The following AP4M1 variants were observed in gnomAD, a reference collection of about 807,000 sequenced individuals.
The protein encoded by AP4M1 is AP-4 complex subunit mu-1.
Under a neutral mutation model 62.4 loss-of-function variants are expected in AP4M1, and 58 were observed. That is an observed-to-expected ratio of 0.93 (90% CI 0.75 to 1.16). The LOEUF (loss-of-function observed/expected upper bound fraction) is 1.16. AP4M1 is among the 50% of genes most tolerant of loss of function. The pLI, the probability that AP4M1 is intolerant of heterozygous loss-of-function variation, is 0.00. For missense variants in AP4M1, 626 were observed against 585.4 expected (o/e 1.07, Z -0.72); for synonymous variants, 290 against 239.7 (o/e 1.21, Z -1.94).
Position 100,108,568 on chromosome 7 carries a change from A to T in AP4M1, c.*1686A>T, listed in dbSNP as rs368267898. 24 of 1,571,962 alleles carry T rather than the reference A, an allele frequency of 1.5e-5. No individual in the cohort carries two copies. Among genetic ancestry groups the T allele is most frequent in the Non-Finnish European group, 2.0e-5 (23 of 1,154,448 alleles). ...GCAGAACAGAAAAAAAGCCAGGTAG[A>T]GGGAGGGCTGGGGAAAAAAGCCAGG... On this transcript the variant is annotated 3_prime_UTR_variant, in exon 15 of 15. Coordinates refer to ENST00000359593, the MANE Select transcript of AP4M1 (RefSeq NM_004722.4).
rs1796720731 is a variant in AP4M1, at chr7:100,107,949, A to AGGAC, written c.*1069_*1072dup. 1 of 1,612,672 alleles carries AGGAC rather than the reference A, an allele frequency of 6.2e-7. No homozygotes were observed. The highest frequency in any genetic ancestry group is 1.7e-5 in the Admixed American group (1 of 59,918). ...ACCTGCTGGGTGGATGGGGCGCTGG[A>AGGAC]GGACGATGACATTACAATAAACTTG... On this transcript the variant is annotated 3_prime_UTR_variant, in exon 15 of 15. Transcript: ENST00000359593.
At position 100,107,536 on chromosome 7, in the gene AP4M1, C is replaced by A. The variant is rs758662299; in HGVS notation, c.*654C>A. ...GTGGTGGCGGTGGAGACCAACTTGA[C>A]GATGGGCTGCACGCTGGGGACGGTG... On this transcript the variant is annotated 3_prime_UTR_variant, in exon 15 of 15. Transcript: ENST00000359593. 5 of 1,613,938 alleles carry A rather than the reference C, an allele frequency of 3.1e-6. No individual in the cohort carries two copies. The highest frequency in any genetic ancestry group is 4.2e-6 in the Non-Finnish European group (5 of 1,179,966).
At position 100,106,399 on chromosome 7, in the gene AP4M1, C is replaced by G; in HGVS notation, c.1026-4C>G. On this transcript the variant is annotated splice_polypyrimidine_tract_variant and splice_region_variant and intron_variant, in intron 13 of 14. Coordinates refer to ENST00000359593, the MANE Select transcript of AP4M1 (RefSeq NM_004722.4). ...GCCCAGCACCTTCCCTTTCCAAACT[C>G]CAGCCTGTCTCAGGAGCTGAGCAGC... is the stretch of plus-strand genomic sequence containing the variant. 6.2e-7 allele frequency: 1 copy of G among 1,613,666 alleles called. No individual in the cohort carries two copies. Among genetic ancestry groups the G allele is most frequent in the Non-Finnish European group, 8.5e-7 (1 of 1,180,008 alleles).
chr7:100,104,245 C>T (rs1373390275), intron 7 of AP4M1, 91 bp downstream of exon 7: 2 of 1,104,460 alleles, frequency 1.8e-6, no homozygotes, highest in South Asian at 1.3e-5. Flanking sequence ...CGGCCGGGCA[C>T]AGTGGCTCAT....
intron 2 of AP4M1, 142 bp downstream of exon 2, chr7:100,102,110 G>A (rs1238341977): frequency 7.5e-6 from 7 of 937,526 alleles, no homozygotes; most frequent in Non-Finnish European, 1.2e-5. Flanking sequence ...GCCCGGCGCG[G>A]TGGCTCACGC....
Position 100,102,974 on chromosome 7 carries a change from A to G in AP4M1, c.351+14A>G, listed in dbSNP as rs944572355. 3.7e-6 allele frequency: 6 copies of G among 1,609,996 alleles called. No individual in the cohort carries two copies. The highest frequency in any genetic ancestry group is 1.1e-5 in the South Asian group (1 of 90,950). ...GATGAAGTGCTGGTGAGAATCAACA[A>G]TCCCCTTCTGTGGCCCCTACCCAAT... On this transcript the variant is annotated intron_variant, in intron 4 of 14. Coordinates refer to ENST00000359593, the MANE Select transcript of AP4M1 (RefSeq NM_004722.4).
chr7:100,104,239 C>T (rs989731596), intron 7 of AP4M1, 85 bp downstream of exon 7: 13 of 1,149,174 alleles, frequency 1.1e-5, no homozygotes, highest in African/African-American at 1.5e-5. Context: ...CAGCAACGGC[C>T]GGGCACAGTG....
chr7:100,101,558 G>T, upstream of AP4M1: 1 of 845,236 alleles, frequency 1.2e-6, no homozygotes, highest in East Asian at 2.6e-5. Context: ...TCTCCGGGCG[G>T]GGTAGTGCAG....
chr7:100,104,253 C>T lies in AP4M1; in HGVS notation c.606+99C>T, dbSNP rs546992963. Reference sequence around the variant, plus strand: ...CCAGCAACGGCCGGGCACAGTGGCTCATGCTTGTAATCCCAGTGCTTTGGG... The same window carrying T: ...CCAGCAACGGCCGGGCACAGTGGCTTATGCTTGTAATCCCAGTGCTTTGGG... On this transcript the variant is annotated intron_variant, in intron 7 of 14. Coordinates refer to ENST00000359593, the MANE Select transcript of AP4M1 (RefSeq NM_004722.4). 108 of 1,040,650 alleles carry T rather than the reference C, an allele frequency of 1.0e-4. No individual in the cohort carries two copies. The South Asian group carries it at 1.3e-3, about 12-fold the overall frequency. The allele number at this position is 1,040,650 out of a possible 1,614,324, so 64.5% of individuals were successfully genotyped here.
In AP4M1 at chr7:100,105,452, T is replaced by G. The variant is rs1796385962; in HGVS notation, c.842T>G (p.Val281Gly). 6.2e-7 allele frequency: 1 copy of G among 1,614,068 alleles called. No homozygotes were observed. The highest frequency in any genetic ancestry group is 8.5e-7 in the Non-Finnish European group (1 of 1,179,984). Residue 281 changes from valine to glycine, a missense_variant, in exon 11 of 15, where the codon GTG becomes GGG. Val to Gly is a moderately radical substitution (Grantham distance 109). Coordinates refer to ENST00000359593, the MANE Select transcript of AP4M1 (RefSeq NM_004722.4). ...RLQPPQGELT[V>G]MRYQLSDDLP... Reference sequence around the variant, plus strand: ...TGCTCTCTGGTCTCTCAGCTGACTGTGATGCGGTACCAACTCTCCGATGAC... The same window carrying G: ...TGCTCTCTGGTCTCTCAGCTGACTGGGATGCGGTACCAACTCTCCGATGAC...
upstream of AP4M1, chr7:100,101,363 T>C (rs1301050437): frequency 6.2e-7 from 1 of 1,602,088 alleles, no homozygotes; most frequent in South Asian, 1.1e-5. Flanking sequence ...GCTGAGAATC[T>C]CCGCGCGGTG....
chr7:100,106,218 C>G lies in AP4M1; in HGVS notation c.975-23C>G, dbSNP rs766919739. 4.8e-5 allele frequency: 77 copies of G among 1,613,906 alleles called. No homozygotes were observed. The East Asian group carries it at 1.0e-3, about 21-fold the overall frequency. The stretch of plus-strand genomic sequence containing the variant: ...AGGGACTGTGCCTTCCTGGGGCTGA[C>G]TTTGTTCCCGTCTCCTCTGTAGCCA... On this transcript the variant is annotated intron_variant, in intron 12 of 14. Coordinates refer to ENST00000359593, the MANE Select transcript of AP4M1 (RefSeq NM_004722.4).
Position 100,103,989 on chromosome 7 carries a change from C to T in AP4M1, c.544-103C>T, listed in dbSNP as rs995455760. On this transcript the variant is annotated intron_variant, in intron 6 of 14. Transcript: ENST00000359593. ...TCCCTTCCATCACCCATGTCCTCACCCTAGAGCTGTAGCTTTGACTGTCCT... is the reference window on the plus strand; with the variant it reads ...TCCCTTCCATCACCCATGTCCTCACTCTAGAGCTGTAGCTTTGACTGTCCT... 1.5e-5 allele frequency: 16 copies of T among 1,047,850 alleles called. No individual in the cohort carries two copies. In the African/African-American group the frequency reaches 1.9e-4, roughly 12 times the overall value. 64.9% of individuals were successfully genotyped at this position (1,047,850 alleles called of 1,614,324 possible).
Position 100,107,997 on chromosome 7 carries a change from G to T in AP4M1, c.*1115G>T. The stretch of plus-strand genomic sequence containing the variant: ...TTGGTTGGAGGAGGGGAAGGCTGTG[G>T]TGGGGCAGCCGCTCGTGCAGACACC... On this transcript the variant is annotated 3_prime_UTR_variant, in exon 15 of 15. Transcript: ENST00000359593. 1 of 1,614,042 alleles carries T rather than the reference G, an allele frequency of 6.2e-7. No individual in the cohort carries two copies.
In AP4M1 at chr7:100,108,247, C is replaced by T; in HGVS notation, c.*1365C>T. 6.8e-7 allele frequency: 1 copy of T among 1,464,450 alleles called. No homozygotes were observed. 90.7% of individuals were successfully genotyped at this position (1,464,450 alleles called of 1,614,324 possible). Reference sequence around the variant, plus strand: ...TCACTAGGGCTGGGGCATCCTCACTCAGGGCCTGGTTGCCCTGAGACTACT... The same window carrying T: ...TCACTAGGGCTGGGGCATCCTCACTTAGGGCCTGGTTGCCCTGAGACTACT... On this transcript the variant is annotated 3_prime_UTR_variant, in exon 15 of 15. Transcript: ENST00000359593.
In AP4M1 at chr7:100,107,597, G is replaced by A. The variant is rs372473866; in HGVS notation, c.*715G>A. 4.7e-5 allele frequency: 76 copies of A among 1,613,236 alleles called. No homozygotes were observed. In the African/African-American group the frequency reaches 5.3e-4, roughly 11 times the overall value. On this transcript the variant is annotated 3_prime_UTR_variant, in exon 15 of 15. Coordinates refer to ENST00000359593, the MANE Select transcript of AP4M1 (RefSeq NM_004722.4). Reference sequence around the variant, plus strand: ...GCGAAGTGGTGGTGGAACCTGAGCCGGGGGCCGAGGTGCTGAGGGACAGGA... The same window carrying A: ...GCGAAGTGGTGGTGGAACCTGAGCCAGGGGCCGAGGTGCTGAGGGACAGGA...
rs1237456625 is a variant in AP4M1 at position 100,107,636 on chromosome 7, G to A, written c.*754G>A. On this transcript the variant is annotated 3_prime_UTR_variant, in exon 15 of 15. Transcript: ENST00000359593. ...TGAGGGACAGGACCTGGATAGAAAGGAAAGGCAGGCCGCTTGCCCTGTGCC... is the reference window on the plus strand; with the variant it reads ...TGAGGGACAGGACCTGGATAGAAAGAAAAGGCAGGCCGCTTGCCCTGTGCC... 2 of 1,609,158 alleles carry A rather than the reference G, an allele frequency of 1.2e-6. No homozygotes were observed. The highest frequency in any genetic ancestry group is 1.7e-5 in the Admixed American group (1 of 58,872).
chr7:100,103,664 G>T lies in AP4M1; in HGVS notation c.515G>T (p.Arg172Leu), dbSNP rs746585330. The T allele has an allele frequency of 3.1e-6, 5 of 1,613,078 alleles. No homozygotes were observed. The highest frequency in any genetic ancestry group is 4.2e-6 in the Non-Finnish European group (5 of 1,180,002). ...SKVAPSSAAS[R>L]PVLSSRSDQS... Reference sequence around the variant, plus strand: ...GTGGCCCCCAGCAGTGCAGCCAGCCGCCCCGTCCTGTCCAGTCGCTCTGAC... The same window carrying T: ...GTGGCCCCCAGCAGTGCAGCCAGCCTCCCCGTCCTGTCCAGTCGCTCTGAC... The change falls in exon 6 of 15, where the codon CGC (arginine) becomes CTC (leucine). Residue 172 changes from arginine to leucine, a missense_variant. Arg to Leu is a moderately radical substitution (Grantham distance 102, BLOSUM62 -2). Transcript: ENST00000359593.
intron 9 of AP4M1, 34 bp downstream of exon 9, chr7:100,105,132 T>C (rs761491801): frequency 5.3e-5 from 85 of 1,613,198 alleles, no homozygotes; most frequent in Non-Finnish European, 7.0e-5. Flanking sequence ...CCCCTTGGAG[T>C]AGGTCATTGC....
Sources: allele counts gnomAD v4.1 joint callset, GRCh38; gene constraint gnomAD v4.1.1; transcripts MANE v1.5; gene names NCBI Gene and HGNC (gene_info 2026-07-23, HGNC 2026-07-21).